The following SPATA7 variants were observed in gnomAD, a reference collection of about 807,000 sequenced individuals.
SPATA7 encodes the protein spermatogenesis associated 7.
A neutral mutation model predicts 51.8 loss-of-function variants in SPATA7; 43 were observed. The observed-to-expected ratio is 0.83, with a 90% CI of 0.65 to 1.07. The LOEUF is 1.07. Among genes scored for constraint, SPATA7 ranks in the 50% least tolerant of loss-of-function variants. The probability of loss-of-function intolerance (pLI) is 0.00; values close to 1 mark genes in which losing one functional copy is unlikely to be tolerated. For missense variants in SPATA7, 683 were observed against 701.3 expected (o/e 0.97, Z 0.30); for synonymous variants, 230 against 252.8 (o/e 0.91, Z 0.86).
chr14:88,412,197 A>T (rs2076358750), intron 4 of SPATA7, among the ~76,000 whole-genome samples: 1 of 146,456 alleles, frequency 6.8e-6, no homozygotes, highest in Non-Finnish European at 1.5e-5. Context: ...TCACTTTTTA[A>T]TGGGGTTATT....
chr14:88,446,467 TTG>T (rs1270466479), intron 3 of SPATA7, among the ~76,000 whole-genome samples: 3 of 152,182 alleles, frequency 2.0e-5, no homozygotes, highest in Non-Finnish European at 4.4e-5. Flanking sequence ...GAAGGGTTTT[TTG>T]TGTCTCTATT....
At chr14:88,442,668 A>G (rs897571036), downstream of SPATA7, among the ~76,000 whole-genome samples, 8 of 151,998 alleles carry the variant, frequency 5.3e-5, no homozygotes, top group Non-Finnish European at 4.4e-5. Flanking sequence ...TATCTTTTTG[A>G]TATGCTGTTG....
At chr14:88,454,905 C>T (rs772983444) in intron 3 of SPATA7, among the ~76,000 whole-genome samples, 5 of 152,104 alleles carry the variant, frequency 3.3e-5, no homozygotes, top group Non-Finnish European at 5.9e-5. Context: ...ATTAAACGTC[C>T]ATTGATTTTT....
intron 3 of SPATA7, 88 bp downstream of exon 3, chr14:88,393,576 T>C (rs2075801175): frequency 1.1e-6 from 1 of 923,308 alleles, no homozygotes; most frequent in African/African-American, 1.7e-5. Flanking sequence ...CAAAAATGAA[T>C]ACCTTATATA....
In SPATA7 at chr14:88,416,727, AAGAG is replaced by A. The variant is rs2076488094; in HGVS notation, c.259_262del (p.Glu87AsnfsTer6). 1 of 1,613,344 alleles carries A rather than the reference AAGAG, an allele frequency of 6.2e-7. No homozygotes were observed. The highest frequency in any genetic ancestry group is 8.5e-7 in the Non-Finnish European group (1 of 1,179,746). ...CCCTTTTAGATGCAGACCAACAACG[AAGAG>A]AGAAACTCAAAAAGGAATTAGCACA... On this transcript the variant is annotated frameshift_variant, in exon 5 of 12. Coordinates refer to ENST00000393545, the MANE Select transcript of SPATA7 (RefSeq NM_018418.5). LOFTEE classifies it high-confidence loss of function.
chr14:88,447,290 G>A (rs1384284723), intron 3 of SPATA7, among the ~76,000 whole-genome samples: 1 of 149,656 alleles, frequency 6.7e-6, no homozygotes, highest in Admixed American at 6.7e-5. Flanking sequence ...TGTTTTATCA[G>A]AGACTAGGAT....
chr14:88,439,963 C>G (rs1303283922), downstream of SPATA7, among the ~76,000 whole-genome samples: 3 of 152,156 alleles, frequency 2.0e-5, no homozygotes, highest in Non-Finnish European at 2.9e-5. Context: ...TTGCAGTCCT[C>G]TTAAACCTCC....
chr14:88,429,470 A>C lies in SPATA7; in HGVS notation c.1028+7A>C. On this transcript the variant is annotated splice_region_variant and intron_variant, in intron 8 of 11. Transcript: ENST00000393545. Reference sequence around the variant, plus strand: ...TTCAGCATTCCTCACCAAGGTAAACAGTTCACAGGAGAAATAATTTCAACT... The same window carrying C: ...TTCAGCATTCCTCACCAAGGTAAACCGTTCACAGGAGAAATAATTTCAACT... 1 of 1,545,916 alleles carries C rather than the reference A, an allele frequency of 6.5e-7. No individual in the cohort carries two copies. The highest frequency in any genetic ancestry group is 8.9e-7 in the Non-Finnish European group (1 of 1,118,744).
intron 3 of SPATA7, 36 bp downstream of exon 3, chr14:88,393,524 T>C (rs1351268281): frequency 1.4e-6 from 2 of 1,420,446 alleles, no homozygotes; most frequent in Non-Finnish European, 2.0e-6. Context: ...CTGTACTCAA[T>C]TTAAACCTCC....
intron 4 of SPATA7, among the ~76,000 whole-genome samples, chr14:88,464,029 C>T (rs762643402): frequency 4.0e-5 from 6 of 151,856 alleles, no homozygotes; most frequent in Non-Finnish European, 7.4e-5. Context: ...TTAGTAGAGA[C>T]GGGGTTTCAC....
chr14:88,462,717 T>A (rs1216405434), intron 4 of SPATA7, among the ~76,000 whole-genome samples: 1 of 152,194 alleles, frequency 6.6e-6, no homozygotes. Flanking sequence ...GATTTTAAAG[T>A]GCGTTTATTT....
At chr14:88,460,557 C>T (rs1310193446) in intron 4 of SPATA7, among the ~76,000 whole-genome samples, 6 of 152,196 alleles carry the variant, frequency 3.9e-5, no homozygotes, top group Admixed American at 3.3e-4. Flanking sequence ...TTTTCAGCTC[C>T]ATCAGGTCAT....
chr14:88,439,731 T>G (rs1246588010), downstream of SPATA7, among the ~76,000 whole-genome samples: 1 of 152,110 alleles, frequency 6.6e-6, no homozygotes, highest in Non-Finnish European at 1.5e-5. Context: ...CAGGTCCATC[T>G]CATTCATGGG....
intron 3 of SPATA7, among the ~76,000 whole-genome samples, chr14:88,452,515 GTTC>G (rs752370889): frequency 9.3e-4 from 142 of 152,184 alleles, no homozygotes; most frequent in East Asian, 2.3e-3. Flanking sequence ...TTTTTTTGGA[GTTC>G]TTCTGCTGTC....
chr14:88,394,415 GT>G (rs1437477604), intron 3 of SPATA7, among the ~76,000 whole-genome samples: 2 of 152,134 alleles, frequency 1.3e-5, no homozygotes, highest in African/African-American at 2.4e-5. Flanking sequence ...ATCATGTATC[GT>G]TTTGGGTCTG....
chr14:88,414,142 A>G (rs765200637), intron 4 of SPATA7, among the ~76,000 whole-genome samples: 3 of 152,018 alleles, frequency 2.0e-5, no homozygotes, highest in Non-Finnish European at 4.4e-5. Context: ...ATTAATACCA[A>G]CTATTGGTAT....
chr14:88,423,920 A>G (rs1467472915), intron 5 of SPATA7, among the ~76,000 whole-genome samples: 1 of 152,230 alleles, frequency 6.6e-6, no homozygotes, highest in African/African-American at 2.4e-5. Context: ...GTCTTCTGAC[A>G]TCCTTAAAAA....
At position 88,438,244 on chromosome 14, in the gene SPATA7, T is replaced by A. The variant is rs139510848; in HGVS notation, c.1622T>A (p.Ile541Asn). The change falls in exon 12 of 12, where the codon ATT becomes AAT. Residue 541 changes from isoleucine to asparagine, a missense_variant. Coordinates refer to ENST00000393545, the MANE Select transcript of SPATA7 (RefSeq NM_018418.5). ...LTDRETSVNV[I>N]EGDSDPEKVE... is the part of the protein sequence containing the mutation. ...GATCGGGAAACTTCTGTGAATGTCA[T>A]TGAAGGTGATAGTGACCCTGAAAAG... 6.2e-7 allele frequency: 1 copy of A among 1,614,124 alleles called. No homozygotes were observed. Among genetic ancestry groups the A allele is most frequent in the Admixed American group, 1.7e-5 (1 of 60,024 alleles).
chr14:88,446,876 C>T (rs1370670002), intron 3 of SPATA7, among the ~76,000 whole-genome samples: 1 of 151,962 alleles, frequency 6.6e-6, no homozygotes, highest in Non-Finnish European at 1.5e-5. Flanking sequence ...TGTTCTTTTA[C>T]ATTTGTTGAG....
Sources: allele counts gnomAD v4.1 joint callset (sites outside exome capture counted in the v4.1 genomes callset), GRCh38; gene constraint gnomAD v4.1.1; transcripts MANE v1.5; gene names NCBI Gene and HGNC (gene_info 2026-07-23, HGNC 2026-07-21).